The following ZDHHC11 variants were observed in gnomAD, a reference collection of about 807,000 sequenced individuals.
ZDHHC11 encodes the protein zDHHC palmitoyltransferase 11, also known as palmitoyltransferase ZDHHC11.
In ZDHHC11, 44 loss-of-function variants were observed where a neutral mutation model predicts 51.3. The ratio of observed to expected loss-of-function variants is 0.86; its 90% CI spans 0.67 to 1.10. ZDHHC11 has a LOEUF of 1.10. Ranked by LOEUF, ZDHHC11 falls within the 50% of genes least tolerant of loss-of-function variation. ZDHHC11 has a pLI of 0.00. For synonymous variants in ZDHHC11, 163 were observed against 222.0 expected (o/e 0.73, Z 2.36); for missense variants, 400 against 537.7 (o/e 0.74, Z 2.53).
intron 12 of ZDHHC11, among the ~76,000 whole-genome samples, chr5:800,575 T>C (rs1032351303): frequency 1.3e-5 from 2 of 151,502 alleles, no homozygotes; most frequent in Admixed American, 1.3e-4. Flanking sequence ...CTCATGTGTG[T>C]GCCTGATAGC....
chr5:816,787 A>T, intron 10 of ZDHHC11: 1 of 480,276 alleles, frequency 2.1e-6, no homozygotes, highest in Non-Finnish European at 4.1e-6. Context: ...TTCTGATGCT[A>T]TTTGGGAGCT....
intron 3 of ZDHHC11, among the ~76,000 whole-genome samples, chr5:847,167 C>A (rs1274931265): frequency 5.3e-5 from 8 of 151,958 alleles, no homozygotes; most frequent in African/African-American, 1.2e-4. Flanking sequence ...CCTTCCGTGG[C>A]CCCACCCTTG....
In ZDHHC11 at chr5:824,072, G is replaced by A. The variant is rs1323148514; in HGVS notation, c.1023+1092C>T. 14 of 454,908 alleles carry A rather than the reference G, an allele frequency of 3.1e-5. 2 individuals are homozygous for A. The highest frequency in any genetic ancestry group is 4.9e-5 in the Non-Finnish European group (11 of 226,310). The allele number at this position is 454,908 out of a possible 1,614,324, so 28.2% of individuals were successfully genotyped here. ...ACAGGAGCCTGTTCCCTGAAATCCT[G>A]GGGAAGTGTGGTGAGGTGGCCCTGC... On this transcript the variant is annotated intron_variant, in intron 8 of 12. Coordinates refer to ENST00000283441, the MANE Select transcript of ZDHHC11 (RefSeq NM_024786.3).
At chr5:802,864 A>C (rs1738656259) in intron 11 of ZDHHC11, among the ~76,000 whole-genome samples, 2 of 124,248 alleles carry the variant, frequency 1.6e-5, no homozygotes, top group African/African-American at 6.5e-5. Flanking sequence ...AAAAAAAAAA[A>C]AAAAAAAAAA....
At chr5:799,042 C>T (rs1738024296) in intron 12 of ZDHHC11, among the ~76,000 whole-genome samples, 1 of 151,642 alleles carries the variant, frequency 6.6e-6, no homozygotes, top group African/African-American at 2.4e-5. Context: ...TTGCTCTTTG[C>T]TGTGGTTTGG....
At chr5:846,668 TG>T (rs1746230349) in intron 3 of ZDHHC11, among the ~76,000 whole-genome samples, 3 of 142,434 alleles carry the variant, frequency 2.1e-5, no homozygotes, top group Admixed American at 7.0e-5. Flanking sequence ...ACCTCTCGCC[TG>T]TGAGCCTCCA....
intron 1 of ZDHHC11, among the ~76,000 whole-genome samples, chr5:856,792 C>T (rs1176215083): frequency 6.6e-6 from 1 of 151,536 alleles, no homozygotes; most frequent in Non-Finnish European, 1.5e-5. Flanking sequence ...CCACACAAAC[C>T]ACACACAGAG....
intron 11 of ZDHHC11, among the ~76,000 whole-genome samples, chr5:805,337 T>C (rs1431684614): frequency 6.6e-6 from 1 of 150,566 alleles, no homozygotes; most frequent in Non-Finnish European, 1.5e-5. Flanking sequence ...ACTTGGAAGG[T>C]TGAGGTGGAA....
At chr5:838,714 C>T (rs1403488303) in intron 5 of ZDHHC11, among the ~76,000 whole-genome samples, 2 of 152,314 alleles carry the variant, frequency 1.3e-5, no homozygotes, top group East Asian at 3.9e-4. Context: ...AAGCCCATTC[C>T]AAGTGCAGTG....
chr5:803,953 C>G (rs866882465), intron 11 of ZDHHC11, among the ~76,000 whole-genome samples: 5 of 144,532 alleles, frequency 3.5e-5, no homozygotes, highest in Non-Finnish European at 6.1e-5. Flanking sequence ...GTCTTAGGAC[C>G]AGAAAAAAAA....
rs571481677 is a variant in ZDHHC11, at chr5:798,723, A to C, written c.*8-2143T>G. 5.3e-3 allele frequency among the ~76,000 whole-genome samples: 762 copies of C among 144,848 alleles called. 6 individuals are homozygous for C. Among genetic ancestry groups the C allele is most frequent in the Middle Eastern group, 0.011 (3 of 278 alleles). On this transcript the variant is annotated intron_variant, in intron 12 of 12. Coordinates refer to ENST00000283441, the MANE Select transcript of ZDHHC11 (RefSeq NM_024786.3). ...ACTGAAGAAGTGTTTTGTGTGGTCT[A>C]CAGTAATTCACAACTCTAAGACGTT...
chr5:809,458 C>T (rs574419270), intron 11 of ZDHHC11, among the ~76,000 whole-genome samples: 48 of 149,410 alleles, frequency 3.2e-4, no homozygotes, highest in African/African-American at 1.2e-3. Flanking sequence ...CTTCAGAACA[C>T]GCATGTGAGT....
At chr5:828,371 C>G (rs1199011679) in intron 7 of ZDHHC11, among the ~76,000 whole-genome samples, 1 of 149,292 alleles carries the variant, frequency 6.7e-6, no homozygotes, top group Non-Finnish European at 1.5e-5. Flanking sequence ...GAGGTGCCCC[C>G]CACCTCCCTC....
intron 8 of ZDHHC11, among the ~76,000 whole-genome samples, chr5:822,257 C>G (rs1741665474): frequency 6.6e-6 from 1 of 151,186 alleles, no homozygotes; most frequent in Non-Finnish European, 1.5e-5. Flanking sequence ...GAGATTATAA[C>G]AAAGACACAG....
chr5:820,567 T>C (rs1741435200), intron 9 of ZDHHC11, among the ~76,000 whole-genome samples: 1 of 151,266 alleles, frequency 6.6e-6, no homozygotes, highest in African/African-American at 2.4e-5. Flanking sequence ...GGGGTGGGGC[T>C]GGTGCACACC....
intron 3 of ZDHHC11, 104 bp from the exon 4 acceptor site, chr5:843,828 G>C: frequency 2.2e-6 from 1 of 460,926 alleles, no homozygotes; most frequent in Non-Finnish European, 3.0e-6. Context: ...GCACGGGGTG[G>C]GCAGGGGCGG....
chr5:811,373 T>G lies in ZDHHC11; in HGVS notation c.1181+3388A>C, dbSNP rs1440211361. On this transcript the variant is annotated intron_variant, in intron 11 of 12. Coordinates refer to ENST00000283441, the MANE Select transcript of ZDHHC11 (RefSeq NM_024786.3). Reference sequence around the variant, plus strand: ...TTTCACACTAAGTGATATGTAATCCTTGATTGCTGAAACTAGGCAAAACTC... The same window carrying G: ...TTTCACACTAAGTGATATGTAATCCGTGATTGCTGAAACTAGGCAAAACTC... Among the ~76,000 whole-genome samples, 13 of 141,194 alleles carry G rather than the reference T, an allele frequency of 9.2e-5. No individual in the cohort carries two copies. The East Asian group carries it at 2.2e-3, about 24-fold the overall frequency. The allele number at this position is 141,194 out of a possible 152,430, so 92.6% of individuals were successfully genotyped here.
At chr5:856,875 C>T (rs1216913604) in intron 1 of ZDHHC11, among the ~76,000 whole-genome samples, 5 of 150,636 alleles carry the variant, frequency 3.3e-5, no homozygotes, top group Admixed American at 6.6e-5. Flanking sequence ...ACATACCACA[C>T]CCCCAAAATA....
At position 850,390 on chromosome 5, in the gene ZDHHC11, A is replaced by G. The variant is rs757862030; in HGVS notation, c.213T>C (p.Ile71=). ...ACGATGAAAAGGATACCACGTAGGCAATGTATTTCCACGCGTGAGGCAGGA... is the reference window on the plus strand; with the variant it reads ...ACGATGAAAAGGATACCACGTAGGCGATGTATTTCCACGCGTGAGGCAGGA... ...IPFLPHAWKY[I]AYVVTGGIFS... Residue 71 remains isoleucine, a synonymous_variant, in exon 1 of 13, where the codon ATT becomes ATC. Coordinates refer to ENST00000283441, the MANE Select transcript of ZDHHC11 (RefSeq NM_024786.3). 2.5e-6 allele frequency: 4 copies of G among 1,613,494 alleles called. No individual in the cohort carries two copies. The highest frequency in any genetic ancestry group is 2.7e-5 in the African/African-American group (2 of 74,928).
Sources: gnomAD v4.1 joint callset for allele counts (sites outside exome capture counted in the v4.1 genomes callset) on GRCh38, gnomAD v4.1.1 for gene constraint, MANE v1.5 for transcripts, NCBI Gene and HGNC (gene_info 2026-07-23, HGNC 2026-07-21) for gene names.